Variants in MAPK10 observed in about 807,000 individuals in gnomAD.
The protein encoded by MAPK10 is JNK3 alpha protein kinase.
A neutral mutation model predicts 59.3 loss-of-function variants in MAPK10; 25 were observed. That is an observed-to-expected ratio of 0.42 (90% CI 0.31 to 0.59). The LOEUF (loss-of-function observed/expected upper bound fraction) is 0.59. Among genes scored for constraint, MAPK10 ranks in the 20% least tolerant of loss-of-function variants. The pLI, the probability that MAPK10 is intolerant of heterozygous loss-of-function variation, is 0.15. For synonymous variants in MAPK10, 190 were observed against 200.5 expected, an observed-to-expected ratio of 0.95 and a Z score of 0.44; for missense variants, 351 against 568.9, an observed-to-expected ratio of 0.62 and a Z score of 3.90.
Position 86,376,348 on chromosome 4 carries a change from T to G in MAPK10, c.-121-21704A>C, listed in dbSNP as rs1043186180. ...GCTGGTAATTCTGATTTTTAATAGA[T>G]GGAAATGTACACATCATGAAATTAA... On this transcript the variant is annotated intron_variant, in intron 1 of 13. Coordinates refer to the MAPK10 transcript ENST00000361569. Among the ~76,000 whole-genome samples the G allele has an allele frequency of 9.9e-5, 15 of 152,130 alleles. 1 individual carries two copies. Among genetic ancestry groups the G allele is most frequent in the Non-Finnish European group, 1.5e-5 (1 of 68,014 alleles).
At chr4:86,418,048 G>A (rs1746075575) in intron 1 of MAPK10, among the ~76,000 whole-genome samples, 1 of 152,052 alleles carries the variant, frequency 6.6e-6, no homozygotes, top group Non-Finnish European at 1.5e-5. Context: ...AAAAAACACA[G>A]CAGCACCTGC....
chr4:86,576,770 G>T (rs4435710), intron 1 of MAPK10, among the ~76,000 whole-genome samples: 33,667 of 79,438 alleles, frequency 0.42, 4,496 homozygotes, highest in Admixed American at 0.52. Flanking sequence ...GCGAGACTCC[G>T]TCCCAAAAAA....
intron 2 of MAPK10, among the ~76,000 whole-genome samples, chr4:86,203,847 C>T (rs1003770853): frequency 2.0e-5 from 3 of 151,384 alleles, no homozygotes; most frequent in African/African-American, 2.4e-5. Flanking sequence ...TTTTCAGGGG[C>T]TGCAGTAGAA....
At position 86,403,958 on chromosome 4, in the gene MAPK10, C is replaced by A. The variant is rs115089050; in HGVS notation, c.-122+49072G>T. 8.3e-3 allele frequency among the ~76,000 whole-genome samples: 1,267 copies of A among 152,188 alleles called. 11 individuals are homozygous for A. Among genetic ancestry groups the A allele is most frequent in the African/African-American group, 0.021 (854 of 41,486 alleles). ...GAGTAATCACTTTTTCTCCCCCTTC[C>A]GATCTCCTTGATTATGTTTGTTTAC... On this transcript the variant is annotated intron_variant, in intron 1 of 13. Coordinates refer to the MAPK10 transcript ENST00000361569.
At chr4:86,348,306 T>C (rs970060490) in intron 2 of MAPK10, among the ~76,000 whole-genome samples, 5 of 152,186 alleles carry the variant, frequency 3.3e-5, no homozygotes, top group African/African-American at 7.2e-5. Context: ...CTAAATCATC[T>C]GTGCCTTGTC....
At chr4:86,374,204 C>T (rs576415751) in intron 1 of MAPK10, among the ~76,000 whole-genome samples, 8 of 151,842 alleles carry the variant, frequency 5.3e-5, no homozygotes, top group Non-Finnish European at 1.0e-4. Context: ...GGGAGTTGAA[C>T]AATGAGAATA....
intron 9 of MAPK10, 57 bp from the exon 10 acceptor site, chr4:86,068,012 T>C (rs762189864): frequency 3.1e-4 from 368 of 1,180,810 alleles, no homozygotes; most frequent in South Asian, 5.3e-4. Flanking sequence ...CTTTCAACAA[T>C]TGGGAGACTA....
chr4:86,288,421 T>C (rs968966685), intron 2 of MAPK10, among the ~76,000 whole-genome samples: 6 of 150,280 alleles, frequency 4.0e-5, no homozygotes, highest in Non-Finnish European at 4.4e-5. Context: ...TAGCATTTTT[T>C]TAGCTATAAA....
chr4:86,140,890 G>C lies in MAPK10; in HGVS notation c.236+18408C>G, dbSNP rs370775637. On this transcript the variant is annotated intron_variant, in intron 4 of 13. Transcript: ENST00000641462. Reference sequence around the variant, plus strand: ...TTACTAGATGCACAATAAATACTTTGCAAAGTGTCAAAAGCACTGTGTTTG... The same window carrying C: ...TTACTAGATGCACAATAAATACTTTCCAAAGTGTCAAAAGCACTGTGTTTG... 1.5e-4 allele frequency among the ~76,000 whole-genome samples: 23 copies of C among 152,104 alleles called. No individual in the cohort carries two copies. The East Asian group carries it at 3.9e-3, about 26-fold the overall frequency.
intron 2 of MAPK10, among the ~76,000 whole-genome samples, chr4:86,305,307 A>C (rs528282135): frequency 6.6e-6 from 1 of 152,220 alleles, no homozygotes; most frequent in African/African-American, 2.4e-5. Flanking sequence ...GTAAAGAGTC[A>C]TGTAGATTCT....
chr4:86,570,617 C>G (rs757719430), intron 1 of MAPK10, among the ~76,000 whole-genome samples: 1 of 151,762 alleles, frequency 6.6e-6, no homozygotes, highest in Non-Finnish European at 1.5e-5. Context: ...TTTGCTGATC[C>G]CTGAAATATT....
chr4:86,034,711 T>A, intron 11 of MAPK10, among the ~76,000 whole-genome samples: 1 of 152,140 alleles, frequency 6.6e-6, no homozygotes. Context: ...AACCTGTATA[T>A]GGTCTAAGGG....
intron 1 of MAPK10, among the ~76,000 whole-genome samples, chr4:86,402,677 A>C (rs919231110): frequency 5.9e-5 from 9 of 152,140 alleles, no homozygotes; most frequent in African/African-American, 1.9e-4. Context: ...CATTTGATTG[A>C]GGTATAAGCC....
intron 10 of MAPK10, 137 bp downstream of exon 10, chr4:86,067,636 C>A: frequency 1.4e-6 from 1 of 717,628 alleles, no homozygotes. Flanking sequence ...ACCCTATATC[C>A]CACAAAAATG....
intron 9 of MAPK10, among the ~76,000 whole-genome samples, chr4:86,069,961 T>C (rs968550469): frequency 3.3e-5 from 5 of 152,180 alleles, no homozygotes; most frequent in African/African-American, 1.2e-4. Flanking sequence ...TCAGATATTC[T>C]GGAATTTGTT....
At chr4:86,030,696 A>T (rs555106079) in intron 12 of MAPK10, among the ~76,000 whole-genome samples, 1 of 152,044 alleles carries the variant, frequency 6.6e-6, no homozygotes, top group East Asian at 1.9e-4. Context: ...TTAGTCCTTT[A>T]TCTGATATTT....
chr4:86,157,723 G>A (rs967803536), intron 4 of MAPK10, among the ~76,000 whole-genome samples: 1 of 151,696 alleles, frequency 6.6e-6, no homozygotes, highest in African/African-American at 2.4e-5. Context: ...AGAAATAGAG[G>A]CCCAAAATAT....
chr4:86,534,115 T>C (rs1022388688), intron 1 of MAPK10, among the ~76,000 whole-genome samples: 3 of 152,086 alleles, frequency 2.0e-5, no homozygotes, highest in Non-Finnish European at 4.4e-5. Context: ...TGTTTCCTTA[T>C]ATTATTTACC....
At chr4:86,252,233 A>G (rs1172443085) in intron 2 of MAPK10, among the ~76,000 whole-genome samples, 1 of 126,786 alleles carries the variant, frequency 7.9e-6, no homozygotes, top group Non-Finnish European at 1.6e-5. Flanking sequence ...TGTTTTGGAC[A>G]TGAAGTCCTT....
Sources: allele counts gnomAD v4.1 joint callset (sites outside exome capture counted in the v4.1 genomes callset), GRCh38; gene constraint gnomAD v4.1.1; transcripts MANE v1.5; gene names NCBI Gene and HGNC (gene_info 2026-07-23, HGNC 2026-07-21).